Variants in SOX5 observed in about 807,000 individuals in gnomAD.
SOX5 encodes SRY-box transcription factor 5.
In SOX5, 9 loss-of-function variants were observed where a neutral mutation model predicts 92.0. The ratio of observed to expected loss-of-function variants is 0.10; its 90% CI spans 0.06 to 0.17. SOX5 has a LOEUF of 0.17. SOX5 is among the 10% of genes least tolerant of loss of function. SOX5 has a pLI of 1.00. For missense variants in SOX5, 642 were observed against 944.5 expected, an observed-to-expected ratio of 0.68 and a Z score of 4.20; for synonymous variants, 344 against 336.3, an observed-to-expected ratio of 1.02 and a Z score of -0.25.
intron 10 of SOX5, among the ~76,000 whole-genome samples, chr12:23,569,826 C>T (rs1565899485): frequency 1.3e-5 from 2 of 152,236 alleles, no homozygotes; most frequent in Non-Finnish European, 2.9e-5. Flanking sequence ...ACTTCCCACA[C>T]ATGTGTTCCT....
At chr12:24,461,705 C>T (rs1273826327) in intron 1 of SOX5, among the ~76,000 whole-genome samples, 1 of 152,150 alleles carries the variant, frequency 6.6e-6, no homozygotes, top group African/African-American at 2.4e-5. Flanking sequence ...ACCTAACCTT[C>T]ATTGAACACT....
chr12:23,643,501 G>C (rs1398243054), intron 7 of SOX5, among the ~76,000 whole-genome samples: 1 of 152,216 alleles, frequency 6.6e-6, no homozygotes, highest in Non-Finnish European at 1.5e-5. Flanking sequence ...AGAGTGGTTA[G>C]CATGTATCTG....
At chr12:24,535,063 A>G (rs1161491508) in intron 1 of SOX5, among the ~76,000 whole-genome samples, 1 of 152,142 alleles carries the variant, frequency 6.6e-6, no homozygotes, top group Non-Finnish European at 1.5e-5. Flanking sequence ...CAAAGGCCCA[A>G]ACTGGAAGCC....
chr12:24,188,597 A>T (rs12300283), intron 4 of SOX5, among the ~76,000 whole-genome samples: 1 of 151,700 alleles, frequency 6.6e-6, no homozygotes, highest in Non-Finnish European at 1.5e-5. Flanking sequence ...AAGTAGAAAT[A>T]AAAAAAACAG....
chr12:23,599,593 C>T (rs564987084), intron 9 of SOX5, among the ~76,000 whole-genome samples: 1 of 152,242 alleles, frequency 6.6e-6, no homozygotes, highest in South Asian at 2.1e-4. Context: ...CGTCAAACAC[C>T]AAGGTAGGTT....
Position 24,115,008 on chromosome 12 carries a change from A to G in SOX5, c.-2+98335T>C, listed in dbSNP as rs377563583. Among the ~76,000 whole-genome samples, 69 of 152,358 alleles carry G rather than the reference A, an allele frequency of 4.5e-4. 1 individual carries two copies. In the South Asian group the frequency reaches 0.013, roughly 30 times the overall value. On this transcript the variant is annotated intron_variant, in intron 4 of 4. Coordinates refer to the SOX5 transcript ENST00000446891. ...AAGTATACTTAAAAATTGAAAATAG[A>G]TGTGATAAAAGTTTTATAAATTTCA... is the stretch of plus-strand genomic sequence containing the variant.
At chr12:23,542,209 T>A (rs777054333) in intron 13 of SOX5, among the ~76,000 whole-genome samples, 1 of 152,226 alleles carries the variant, frequency 6.6e-6, no homozygotes, top group Non-Finnish European at 1.5e-5. Context: ...CCAAGTGCCT[T>A]ACGAATTCTA....
chr12:23,580,606 T>G (rs1170437109), intron 9 of SOX5, among the ~76,000 whole-genome samples: 2 of 152,068 alleles, frequency 1.3e-5, no homozygotes, highest in Non-Finnish European at 2.9e-5. Context: ...ATACAAGTCT[T>G]AGAAGCTCAC....
At chr12:24,498,780 G>A (rs1177277674) in intron 1 of SOX5, among the ~76,000 whole-genome samples, 1 of 152,054 alleles carries the variant, frequency 6.6e-6, no homozygotes, top group East Asian at 1.9e-4. Context: ...ACTTCATGCT[G>A]GTTCACAAAT....
chr12:23,704,907 G>T (rs1228814816), intron 6 of SOX5, among the ~76,000 whole-genome samples: 2 of 150,712 alleles, frequency 1.3e-5, no homozygotes, highest in African/African-American at 4.9e-5. Flanking sequence ...TCATAATCAT[G>T]AATTATTTCA....
intron 1 of SOX5, among the ~76,000 whole-genome samples, chr12:24,372,320 G>T (rs551844951): frequency 1.3e-5 from 2 of 151,890 alleles, no homozygotes; most frequent in African/African-American, 4.8e-5. Flanking sequence ...GTGTGATGCC[G>T]CCTACTCCTG....
At chr12:23,853,977 T>TA (rs2096661210) in intron 2 of SOX5, among the ~76,000 whole-genome samples, 1 of 152,144 alleles carries the variant, frequency 6.6e-6, no homozygotes, top group Admixed American at 6.6e-5. Context: ...TAGCCACTGA[T>TA]TAGATATAAT....
At chr12:24,350,659 C>T (rs577267843) in intron 2 of SOX5, among the ~76,000 whole-genome samples, 25 of 152,218 alleles carry the variant, frequency 1.6e-4, no homozygotes, top group African/African-American at 5.3e-4. Context: ...AGCTTTTAAC[C>T]TTAGCTTTTT....
intron 2 of SOX5, among the ~76,000 whole-genome samples, chr12:23,846,788 T>A (rs2096580156): frequency 6.6e-6 from 1 of 152,188 alleles, no homozygotes; most frequent in African/African-American, 2.4e-5. Flanking sequence ...CAGACAAGAA[T>A]ATTCCAAGTT....
intron 2 of SOX5, among the ~76,000 whole-genome samples, chr12:24,292,915 C>G (rs1024733307): frequency 6.6e-6 from 1 of 152,134 alleles, no homozygotes; most frequent in Non-Finnish European, 1.5e-5. Flanking sequence ...GGCCCTAAAA[C>G]CTGGTGTTAT....
intron 6 of SOX5, among the ~76,000 whole-genome samples, chr12:23,711,058 G>T (rs1253115587): frequency 6.6e-6 from 1 of 152,244 alleles, no homozygotes; most frequent in Non-Finnish European, 1.5e-5. Context: ...TGAAAAAAAT[G>T]TATTGTTCCA....
intron 3 of SOX5, among the ~76,000 whole-genome samples, chr12:24,275,104 T>C (rs949566990): frequency 1.3e-5 from 2 of 152,186 alleles, no homozygotes; most frequent in Non-Finnish European, 2.9e-5. Context: ...AACAGAGATA[T>C]ATATAGTGTC....
intron 2 of SOX5, among the ~76,000 whole-genome samples, chr12:24,295,234 A>AT (rs767595236): frequency 6.6e-6 from 1 of 152,028 alleles, no homozygotes; most frequent in Non-Finnish European, 1.5e-5. Context: ...TTGACAGCAC[A>AT]TTTTTTCCTT....
intron 8 of SOX5, among the ~76,000 whole-genome samples, chr12:23,627,235 G>C (rs1379650312): frequency 6.6e-6 from 1 of 152,136 alleles, no homozygotes; most frequent in African/African-American, 2.4e-5. Context: ...GAGAGACATA[G>C]ATTATTTGTA....
Sources: allele counts gnomAD v4.1 joint callset (sites outside exome capture counted in the v4.1 genomes callset), GRCh38; gene constraint gnomAD v4.1.1; transcripts MANE v1.5; gene names NCBI Gene and HGNC (gene_info 2026-07-23, HGNC 2026-07-21).